The following EPHA6 variants were observed in gnomAD, a reference collection of about 807,000 sequenced individuals.
EPHA6 encodes the protein ephrin type-A receptor 6.
In EPHA6, 50 loss-of-function variants were observed where a neutral mutation model predicts 112.0. That is an observed-to-expected ratio of 0.45 (90% CI 0.36 to 0.56). The LOEUF (loss-of-function observed/expected upper bound fraction) is 0.56. EPHA6 is among the 20% of genes least tolerant of loss of function. The probability of loss-of-function intolerance (pLI) is 0.00; values close to 1 mark genes in which losing one functional copy is unlikely to be tolerated. For missense variants in EPHA6, 1,280 were observed against 1,417.4 expected, an observed-to-expected ratio of 0.90 and a Z score of 1.56; for synonymous variants, 529 against 490.7, an observed-to-expected ratio of 1.08 and a Z score of -1.03.
At chr3:97,608,977 C>T (rs9873233) in intron 12 of EPHA6, among the ~76,000 whole-genome samples, 47,875 of 151,216 alleles carry the variant, frequency 0.32, 10,989 homozygotes, top group African/African-American at 0.61. Flanking sequence ...TCAATTTCCA[C>T]ATCTGCATAA....
chr3:97,115,127 A>T (rs2047845895), intron 3 of EPHA6, among the ~76,000 whole-genome samples: 1 of 152,076 alleles, frequency 6.6e-6, no homozygotes, highest in East Asian at 1.9e-4. Flanking sequence ...CCTTAAAATA[A>T]TTTTAGTCTG....
chr3:97,735,559 TTA>T (rs1013413066), intron 15 of EPHA6, among the ~76,000 whole-genome samples: 2 of 152,094 alleles, frequency 1.3e-5, no homozygotes, highest in African/African-American at 4.8e-5. Context: ...AAGACATTTG[TTA>T]TATGTTATTT....
intron 15 of EPHA6, among the ~76,000 whole-genome samples, chr3:97,729,173 GC>G (rs1246705700): frequency 2.0e-5 from 3 of 151,884 alleles, no homozygotes; most frequent in African/African-American, 7.3e-5. Context: ...TCACTGTAAC[GC>G]CTTTTTTCTA....
At chr3:97,120,531 G>A (rs2048012699) in intron 3 of EPHA6, among the ~76,000 whole-genome samples, 1 of 151,734 alleles carries the variant, frequency 6.6e-6, no homozygotes, top group Non-Finnish European at 1.5e-5. Flanking sequence ...CTTCTTCTAG[G>A]CAACTGCTAA....
intron 2 of EPHA6, among the ~76,000 whole-genome samples, chr3:96,876,441 T>G (rs964731948): frequency 6.6e-6 from 1 of 151,504 alleles, no homozygotes; most frequent in Admixed American, 6.6e-5. Context: ...CCTAGATTGT[T>G]TACCTGCTTT....
chr3:97,173,898 A>G (rs923928969), intron 3 of EPHA6, among the ~76,000 whole-genome samples: 10 of 151,758 alleles, frequency 6.6e-5, no homozygotes, highest in African/African-American at 1.7e-4. Flanking sequence ...TTCCAGTTAC[A>G]TTATTTATTT....
chr3:97,521,958 C>G (rs893629972), intron 10 of EPHA6, among the ~76,000 whole-genome samples: 1 of 150,752 alleles, frequency 6.6e-6, no homozygotes, highest in Admixed American at 6.6e-5. Flanking sequence ...AGGTTTTGCT[C>G]TGTTCCCTGG....
intron 3 of EPHA6, among the ~76,000 whole-genome samples, chr3:97,102,996 T>G (rs2047449683): frequency 6.6e-6 from 1 of 152,068 alleles, no homozygotes; most frequent in Admixed American, 6.6e-5. Context: ...TCTTGTAAAT[T>G]TATTTATGTT....
At chr3:97,116,845 A>C (rs1356057170) in intron 3 of EPHA6, among the ~76,000 whole-genome samples, 3 of 151,614 alleles carry the variant, frequency 2.0e-5, no homozygotes, top group Admixed American at 2.0e-4. Flanking sequence ...CTTTGGACAT[A>C]TATTTAGAAG....
chr3:97,079,828 C>T (rs1462284151), intron 3 of EPHA6, among the ~76,000 whole-genome samples: 1 of 151,844 alleles, frequency 6.6e-6, no homozygotes, highest in African/African-American at 2.4e-5. Flanking sequence ...CTGTCAGCAA[C>T]CATCAACGTT....
chr3:97,727,727 G>A (rs534534719), intron 15 of EPHA6, among the ~76,000 whole-genome samples: 1 of 152,090 alleles, frequency 6.6e-6, no homozygotes, highest in South Asian at 2.1e-4. Flanking sequence ...TTTTCAAAAA[G>A]GCCTTCGTTT....
intron 14 of EPHA6, among the ~76,000 whole-genome samples, chr3:97,669,982 G>A (rs1468276910): frequency 6.6e-6 from 1 of 152,044 alleles, no homozygotes; most frequent in Non-Finnish European, 1.5e-5. Flanking sequence ...CAACCTATTA[G>A]CAAGTTTGAT....
intron 3 of EPHA6, among the ~76,000 whole-genome samples, chr3:97,220,631 A>G (rs907367299): frequency 6.6e-6 from 1 of 152,058 alleles, no homozygotes; most frequent in Non-Finnish European, 1.5e-5. Context: ...TCTTGTGAGA[A>G]CTCACTCAAT....
intron 3 of EPHA6, among the ~76,000 whole-genome samples, chr3:97,150,400 G>A (rs1462897873): frequency 6.6e-6 from 1 of 152,054 alleles, no homozygotes; most frequent in Non-Finnish European, 1.5e-5. Flanking sequence ...GGACATGTTT[G>A]CTTACAGTAC....
At chr3:97,180,683 TCTGA>T (rs1559778825) in intron 3 of EPHA6, among the ~76,000 whole-genome samples, 1 of 152,042 alleles carries the variant, frequency 6.6e-6, no homozygotes, top group East Asian at 1.9e-4. Flanking sequence ...GACTCACAAC[TCTGA>T]CTGATGCCCT....
At chr3:97,135,767 C>A (rs888319731) in intron 3 of EPHA6, among the ~76,000 whole-genome samples, 2 of 149,688 alleles carry the variant, frequency 1.3e-5, no homozygotes, top group Non-Finnish European at 3.0e-5. Flanking sequence ...CCAAAAAAGG[C>A]CCACAGATTT....
At chr3:97,248,713 G>T (rs973148672) in intron 5 of EPHA6, among the ~76,000 whole-genome samples, 3 of 152,048 alleles carry the variant, frequency 2.0e-5, no homozygotes, top group Non-Finnish European at 4.4e-5. Flanking sequence ...CCCACATTGT[G>T]ATTGCAGATT....
chr3:97,252,256 A>T (rs145036647), intron 5 of EPHA6, among the ~76,000 whole-genome samples: 1 of 152,174 alleles, frequency 6.6e-6, no homozygotes, highest in African/African-American at 2.4e-5. Context: ...TGACACTCCC[A>T]GGTTCCCAGG....
intron 13 of EPHA6, among the ~76,000 whole-genome samples, chr3:97,634,080 C>T (rs1174019231): frequency 1.3e-5 from 2 of 152,044 alleles, no homozygotes; most frequent in Non-Finnish European, 2.9e-5. Flanking sequence ...TTTCCAAAAA[C>T]TCCAATAGAT....
Sources: allele counts gnomAD v4.1 joint callset (sites outside exome capture counted in the v4.1 genomes callset), GRCh38; gene constraint gnomAD v4.1.1; transcripts MANE v1.5; gene names NCBI Gene and HGNC (gene_info 2026-07-23, HGNC 2026-07-21).